TECPR1: variants seen among roughly 807,000 people sequenced by gnomAD.
TECPR1 encodes the protein tectonin beta-propeller repeat-containing protein 1.
Under a neutral mutation model 162.4 loss-of-function variants are expected in TECPR1, and 122 were observed. The ratio of observed to expected loss-of-function variants is 0.75; its 90% confidence interval spans 0.65 to 0.87. TECPR1 has a LOEUF of 0.87. TECPR1 is among the 40% of genes least tolerant of loss of function. The probability of loss-of-function intolerance (pLI) is 0.00; values close to 1 mark genes in which losing one functional copy is unlikely to be tolerated. For synonymous variants in TECPR1, 642 were observed against 670.6 expected, an observed-to-expected ratio of 0.96 and a Z score of 0.66; for missense variants, 1,432 against 1,618.2, an observed-to-expected ratio of 0.88 and a Z score of 1.97.
chr7:98,231,491 C>A, intron 13 of TECPR1, 118 bp from the exon 14 acceptor site: 1 of 1,080,518 alleles, frequency 9.3e-7, no homozygotes, highest in Non-Finnish European at 1.3e-6. Context: ...TCTCCTGGCA[C>A]CCCCAGCCCT....
rs551878758 is a variant in TECPR1 at position 98,217,165 on chromosome 7, G to A, written c.*225C>T. On this transcript the variant is annotated 3_prime_UTR_variant, in exon 26 of 26. Transcript: ENST00000447648. The stretch of plus-strand genomic sequence containing the variant: ...AGCCCCACCCCATGCCCCACACCCC[G>A]GGACTCCTCGCAGACGGGGACACGT... 176 of 512,304 alleles carry A rather than the reference G, an allele frequency of 3.4e-4. No individual in the cohort carries two copies. The highest frequency in any genetic ancestry group is 2.8e-3 in the African/African-American group (143 of 50,666). The allele number at this position is 512,304 out of a possible 1,614,324, so 31.7% of individuals were successfully genotyped here. A position where few individuals can be genotyped will look rare whatever the true frequency, so the allele number is the denominator to read the frequency against.
Position 98,240,809 on chromosome 7 carries a change from C to T in TECPR1, c.933+42G>A, listed in dbSNP as rs1275882523. 3 of 1,524,358 alleles carry T rather than the reference C, an allele frequency of 2.0e-6. No individual in the cohort carries two copies. In the Admixed American group the frequency reaches 5.7e-5, roughly 29 times the overall value. The allele number at this position is 1,524,358 out of a possible 1,614,324, so 94.4% of individuals were successfully genotyped here. A position where few individuals can be genotyped will look rare whatever the true frequency, so the allele number is the denominator to read the frequency against. On this transcript the variant is annotated intron_variant, in intron 8 of 25. Coordinates refer to ENST00000447648, the MANE Select transcript of TECPR1 (RefSeq NM_015395.3). ...GATCACAGCTCACTGCAGTCTCCAA[C>T]TCCTGGGCTCAAGTGATCCCCCAGC...
At chr7:98,227,492 T>C (rs1285604408) in intron 17 of TECPR1, among the ~76,000 whole-genome samples, 1 of 151,908 alleles carries the variant, frequency 6.6e-6, no homozygotes, top group African/African-American at 2.4e-5. Flanking sequence ...AGGAATTACA[T>C]ACATTTCTTG....
chr7:98,229,963 C>G (rs1798378913), intron 15 of TECPR1, among the ~76,000 whole-genome samples: 1 of 151,762 alleles, frequency 6.6e-6, no homozygotes, highest in Non-Finnish European at 1.5e-5. Context: ...CAGATCCCCC[C>G]CCCAGGGAAC....
intron 10 of TECPR1, among the ~76,000 whole-genome samples, chr7:98,235,849 A>AAAAAAAAAAAAAAAAAAAC: frequency 9.1e-6 from 1 of 110,256 alleles, no homozygotes; most frequent in African/African-American, 3.1e-5. Context: ...AAAAAAAAAA[A>AAAAAAAAAAAAAAAAAAAC]AACACCATCT....
chr7:98,231,857 C>T lies in TECPR1; in HGVS notation c.1921G>A (p.Gly641Ser), dbSNP rs769513562. The change falls in exon 13 of 26, where the codon GGC (glycine) becomes AGC (serine). Residue 641 changes from glycine (G) to serine (S), a missense_variant. Coordinates refer to ENST00000447648, the MANE Select transcript of TECPR1 (RefSeq NM_015395.3). ...LALEQFTGHD[G>S]VRDSILFIYY... ...ATGAAGAGGATGCTGTCCCGGACGC[C>T]GTCGTGCCCCGTGAACTGCTCCAGG... 8.7e-6 allele frequency: 14 copies of T among 1,612,658 alleles called. No homozygotes were observed. Among genetic ancestry groups the T allele is most frequent in the African/African-American group, 4.0e-5 (3 of 74,870 alleles).
Position 98,245,070 on chromosome 7 carries a change from G to A in TECPR1, c.226-3C>T. On this transcript the variant is annotated splice_polypyrimidine_tract_variant and splice_region_variant and intron_variant, in intron 3 of 25. Transcript: ENST00000447648. ...AAGCCGCCCATGGGATTCCAGCGCT[G>A]AGGGCCGGGGACACAGAGGCGGCCT... is the stretch of plus-strand genomic sequence containing the variant. 1 of 1,573,796 alleles carries A rather than the reference G, an allele frequency of 6.4e-7. No homozygotes were observed. Among genetic ancestry groups the A allele is most frequent in the Non-Finnish European group, 8.6e-7 (1 of 1,160,620 alleles).
intron 19 of TECPR1, 103 bp downstream of exon 19, chr7:98,224,698 G>C: frequency 8.5e-7 from 1 of 1,170,536 alleles, no homozygotes; most frequent in Non-Finnish European, 1.2e-6. Flanking sequence ...CAGGCCTAGG[G>C]GGCAGGGTTC....
At chr7:98,221,619 G>A (rs1043300914) in intron 23 of TECPR1, 42 bp downstream of exon 23, 1 of 1,576,202 alleles carries the variant, frequency 6.3e-7, no homozygotes, top group Non-Finnish European at 8.7e-7. Flanking sequence ...GAGCCACCAT[G>A]CCCAGCCAAA....
At position 98,217,723 on chromosome 7, in the gene TECPR1, G is replaced by A. The variant is rs767504092; in HGVS notation, c.3353C>T (p.Pro1118Leu). 16 of 1,549,420 alleles carry A rather than the reference G, an allele frequency of 1.0e-5. No homozygotes were observed. The East Asian group carries it at 3.7e-4, about 36-fold the overall frequency. Residue 1118 changes from proline (P) to leucine (L), a missense_variant, in exon 25 of 26, where the codon CCC (proline) becomes CTC (leucine). Transcript: ENST00000447648. ...CHRTGVQPHE[P>L]KGHGWDYGIG... ...GCCGTAGTCCCAGCCGTGGCCCTTG[G>A]GCTCGTGAGGCTGCACGCCGGTGCG...
chr7:98,240,342 G>A lies in TECPR1; in HGVS notation c.933+509C>T, dbSNP rs908701280. 5.9e-5 allele frequency among the ~76,000 whole-genome samples: 9 copies of A among 152,066 alleles called. No homozygotes were observed. In the South Asian group the frequency reaches 6.2e-4, roughly 11 times the overall value. On this transcript the variant is annotated intron_variant, in intron 8 of 25. Transcript: ENST00000447648. ...GCGTGTGGGTGGAAGAGGATTTTAC[G>A]GCACAAAACGTCCTGGAGATTGGCA... is the stretch of plus-strand genomic sequence containing the variant.
chr7:98,246,131 G>T lies in TECPR1; in HGVS notation c.16C>A (p.Leu6Met), dbSNP rs79534220. Residue 6 changes from leucine to methionine, a missense_variant, in exon 3 of 26, where the codon CTG becomes ATG. Coordinates refer to ENST00000447648, the MANE Select transcript of TECPR1 (RefSeq NM_015395.3). MPNSV[L>M]WAVDLFGRVY... ...CTCCCGAAGAGGTCCACCGCCCACA[G>T]CACTGAGTTGGGCATGGCAGCGGCT... The T allele has an allele frequency of 1.4e-5, 22 of 1,548,046 alleles. No homozygotes were observed. Among genetic ancestry groups the T allele is most frequent in the Non-Finnish European group, 1.7e-5 (19 of 1,145,698 alleles).
intron 3 of TECPR1, among the ~76,000 whole-genome samples, chr7:98,245,408 G>A (rs528491636): frequency 5.3e-5 from 8 of 152,310 alleles, no homozygotes; most frequent in African/African-American, 1.9e-4. Context: ...AGACTGCTTT[G>A]GTGAGGACAC....
At position 98,223,094 on chromosome 7, in the gene TECPR1, C is replaced by T; in HGVS notation, c.2824G>A (p.Glu942Lys). Residue 942 changes from glutamate to lysine, a missense_variant, in exon 21 of 26, where the codon GAG becomes AAG. Physicochemically the swap from Glu to Lys is moderately conservative, Grantham distance 56 (BLOSUM62 1). Coordinates refer to ENST00000447648, the MANE Select transcript of TECPR1 (RefSeq NM_015395.3). Reference protein sequence around the residue: ...IALRDVSIIPESPGAEGSGHS... With the variant: ...IALRDVSIIPKSPGAEGSGHS... ...CCACTCCCCTCGGCACCCGGGCTCT[C>T]CGGGATGATGGACACGTCCCTGAGG... is the stretch of plus-strand genomic sequence containing the variant. The T allele has an allele frequency of 1.2e-6, 2 of 1,603,384 alleles. No individual in the cohort carries two copies. Among genetic ancestry groups the T allele is most frequent in the Non-Finnish European group, 8.5e-7 (1 of 1,175,668 alleles).
Position 98,221,745 on chromosome 7 carries a change from A to C in TECPR1, c.3073T>G (p.Trp1025Gly). The C allele has an allele frequency of 6.2e-7, 1 of 1,612,614 alleles. No homozygotes were observed. The highest frequency in any genetic ancestry group is 1.1e-5 in the South Asian group (1 of 91,056). The change falls in exon 23 of 26, where the codon TGG becomes GGG. Residue 1025 changes from tryptophan to glycine, a missense_variant. Transcript: ENST00000447648. The stretch of plus-strand genomic sequence containing the variant: ...CTCGGTGGGGACGGGATGTGGTACC[A>C]GCAGTCACCTGCGAAGGGGAGGCTG... ...VYPSQPAGDC[W>G]YHIPSPPRQR...
intron 6 of TECPR1, 144 bp downstream of exon 6, chr7:98,243,323 C>A: frequency 8.7e-7 from 1 of 1,155,028 alleles, no homozygotes. Context: ...ACGCTGGGGG[C>A]TCGGAGGAGA....
Position 98,239,877 on chromosome 7 carries a change from G to A in TECPR1, c.933+974C>T, listed in dbSNP as rs563311433. On this transcript the variant is annotated intron_variant, in intron 8 of 25. Coordinates refer to ENST00000447648, the MANE Select transcript of TECPR1 (RefSeq NM_015395.3). ...TGTAATCCCAGCACTTTGGGAGGCT[G>A]AGGCGGGCGGATCATGAGGTCAGGA... Among the ~76,000 whole-genome samples the A allele has an allele frequency of 1.4e-4, 21 of 152,252 alleles. No homozygotes were observed. In the South Asian group the frequency reaches 3.7e-3, roughly 27 times the overall value.
intron 19 of TECPR1, among the ~76,000 whole-genome samples, chr7:98,223,964 C>T (rs1014008477): frequency 1.3e-5 from 2 of 152,026 alleles, no homozygotes; most frequent in East Asian, 3.9e-4. Flanking sequence ...GGGGTTGGGG[C>T]CTCCCAGGGG....
At chr7:98,234,509 A>C (rs1226251719) in intron 10 of TECPR1, among the ~76,000 whole-genome samples, 1 of 152,092 alleles carries the variant, frequency 6.6e-6, no homozygotes, top group Non-Finnish European at 1.5e-5. Context: ...TAGCAACACA[A>C]AATGGACTAA....
Sources: allele counts gnomAD v4.1 joint callset (sites outside exome capture counted in the v4.1 genomes callset), GRCh38; gene constraint gnomAD v4.1.1; transcripts MANE v1.5; gene names NCBI Gene and HGNC (gene_info 2026-07-23, HGNC 2026-07-21).